GBP4: variants seen among roughly 807,000 people sequenced by gnomAD.
The protein encoded by GBP4 is guanylate-binding protein 4.
GBP4 carries 69 observed loss-of-function variants against 62.2 expected under a neutral mutation model. The ratio of observed to expected loss-of-function variants is 1.11; its 90% CI spans 0.91 to 1.36. The LOEUF (loss-of-function observed/expected upper bound fraction) is 1.36. GBP4 is among the 40% of genes most tolerant of loss of function. The probability of loss-of-function intolerance (pLI) is 0.00; values close to 1 mark genes in which losing one functional copy is unlikely to be tolerated. For missense variants in GBP4, 697 were observed against 759.3 expected (o/e 0.92, Z 0.96); for synonymous variants, 278 against 274.6 (o/e 1.01, Z -0.12).
chr1:89,191,721 A>G (rs1648194086), intron 5 of GBP4, among the ~76,000 whole-genome samples: 1 of 152,238 alleles, frequency 6.6e-6, no homozygotes. Context: ...CTTGGAGAGG[A>G]AGGGAAGACA....
chr1:89,187,931 T>A (rs1223568745), intron 8 of GBP4, among the ~76,000 whole-genome samples: 1 of 152,324 alleles, frequency 6.6e-6, no homozygotes, highest in Non-Finnish European at 1.5e-5. Flanking sequence ...GGACAAAAGT[T>A]TCCTCAAAAG....
chr1:89,186,828 T>G (rs1010903707), intron 9 of GBP4, among the ~76,000 whole-genome samples, 172 bp downstream of exon 9: 10 of 152,374 alleles, frequency 6.6e-5, no homozygotes, highest in Middle Eastern at 3.4e-3. Flanking sequence ...CAATATATTT[T>G]TTAACTATAG....
At position 89,192,911 on chromosome 1, in the gene GBP4, C is replaced by T. The variant is rs1316036373; in HGVS notation, c.663G>A (p.Leu221=). 26 of 1,613,502 alleles carry T rather than the reference C, an allele frequency of 1.6e-5. No individual in the cohort carries two copies. Among genetic ancestry groups the T allele is most frequent in the Non-Finnish European group, 2.0e-5 (24 of 1,179,518 alleles). Residue 221 remains leucine, a synonymous_variant, in exon 5 of 11, where the codon CTG becomes CTA. Coordinates refer to ENST00000355754, the MANE Select transcript of GBP4 (RefSeq NM_052941.5). The stretch of plus-strand genomic sequence containing the variant: ...CAGGCCATGCTCTGATACCTGGAAT[C>T]AGCTTCAAGGCATTCTCCAGGTACT... ...EDEYLENALK[L]IPGKNPKIQN... is the part of the protein sequence containing the mutation.
intron 7 of GBP4, 135 bp downstream of exon 7, chr1:89,189,903 C>T: frequency 1.3e-6 from 1 of 771,444 alleles, no homozygotes; most frequent in Non-Finnish European, 2.1e-6. Flanking sequence ...GACCTATAGC[C>T]CATAGAGCCC....
In GBP4 at chr1:89,190,192, T is replaced by C. The variant is rs1170417258; in HGVS notation, c.1043A>G (p.His348Arg). Residue 348 changes from histidine to arginine, a missense_variant, in exon 7 of 11, where the codon CAC becomes CGC. His to Arg is a conservative substitution (Grantham distance 29). Coordinates refer to ENST00000355754, the MANE Select transcript of GBP4 (RefSeq NM_052941.5). ...NPAAVQRAAD[H>R]YSQQMAQQLR... ...TTGCTGGGCCATCTGCTGGCTATAG[T>C]GGTCGGCTGCCCTCTGCACAGCCGC... 6.2e-7 allele frequency: 1 copy of C among 1,614,068 alleles called. No homozygotes were observed. The highest frequency in any genetic ancestry group is 2.2e-5 in the East Asian group (1 of 44,890).
At chr1:89,198,394 T>C (rs1388776184) in intron 1 of GBP4, among the ~76,000 whole-genome samples, 3 of 151,956 alleles carry the variant, frequency 2.0e-5, no homozygotes, top group Admixed American at 2.0e-4. Context: ...GAGAGTCAAC[T>C]CAGGTTAAAA....
In GBP4 at chr1:89,186,529, A is replaced by C; in HGVS notation, c.1514-3T>G. 1 of 1,613,428 alleles carries C rather than the reference A, an allele frequency of 6.2e-7. No homozygotes were observed. Among genetic ancestry groups the C allele is most frequent in the Non-Finnish European group, 8.5e-7 (1 of 1,179,782 alleles). On this transcript the variant is annotated splice_region_variant and splice_polypyrimidine_tract_variant and intron_variant, in intron 9 of 10. Coordinates refer to ENST00000355754, the MANE Select transcript of GBP4 (RefSeq NM_052941.5). ...TGCTTCCTTCATGGCCCGCTCCGCT[A>C]TTCCACAAAGGTTTTAGAGAGGGAA...
At position 89,188,694 on chromosome 1, in the gene GBP4, G is replaced by A. The variant is rs745623781; in HGVS notation, c.1298C>T (p.Thr433Ile). ...AELKRLSEHL[T>I]ESILRGIFSV... ...GAAAATTCCTCTCAAAATGCTTTCTGTCAGGTGCTCTGAAAGCCGCTTAAG... is the reference window on the plus strand; with the variant it reads ...GAAAATTCCTCTCAAAATGCTTTCTATCAGGTGCTCTGAAAGCCGCTTAAG... The change falls in exon 8 of 11, where the codon ACA (threonine) becomes ATA (isoleucine). Residue 433 changes from threonine to isoleucine, a missense_variant. Transcript: ENST00000355754. The A allele has an allele frequency of 1.6e-5, 26 of 1,614,092 alleles. No individual in the cohort carries two copies. Among genetic ancestry groups the A allele is most frequent in the Non-Finnish European group, 2.0e-5 (24 of 1,180,044 alleles).
chr1:89,187,200 T>C, intron 8 of GBP4, 98 bp from the exon 9 acceptor site: 1 of 935,176 alleles, frequency 1.1e-6, no homozygotes, highest in South Asian at 1.5e-5. Context: ...TCTAACCCTG[T>C]AAACTTTGCA....
intron 8 of GBP4, 86 bp downstream of exon 8, chr1:89,188,496 G>A: frequency 1.9e-6 from 2 of 1,056,040 alleles, no homozygotes; most frequent in East Asian, 4.7e-5. Context: ...TCCACAAATG[G>A]TGCTATATTC....
chr1:89,196,229 C>G (rs1648338612), intron 2 of GBP4, among the ~76,000 whole-genome samples: 1 of 152,150 alleles, frequency 6.6e-6, no homozygotes, highest in Admixed American at 6.5e-5. Flanking sequence ...GGCATACTGT[C>G]TGAGGGTATA....
At position 89,191,411 on chromosome 1, in the gene GBP4, T is replaced by C. The variant is rs1401357024; in HGVS notation, c.766A>G (p.Asn256Asp). The C allele has an allele frequency of 6.2e-7, 1 of 1,614,230 alleles. No homozygotes were observed. The highest frequency in any genetic ancestry group is 2.2e-5 in the East Asian group (1 of 44,890). Residue 256 changes from asparagine (N) to aspartate (D), a missense_variant, in exon 6 of 11, where the codon AAT becomes GAT. Coordinates refer to ENST00000355754, the MANE Select transcript of GBP4 (RefSeq NM_052941.5). ...ATATGATTTAAATATTGCTTGTCAT[T>C]TGTAGGCCGGTCAAAGACAAAGCAC... ...RKCFVFDRPT[N>D]DKQYLNHMDE... is the part of the protein sequence containing the mutation.
In GBP4 at chr1:89,197,271, G is replaced by C. The variant is rs761364461; in HGVS notation, c.74C>G (p.Pro25Arg). The C allele has an allele frequency of 7.4e-6, 12 of 1,613,978 alleles. No individual in the cohort carries two copies. The highest frequency in any genetic ancestry group is 1.7e-5 in the Admixed American group (1 of 60,010). The change falls in exon 2 of 11, where the codon CCC (proline) becomes CGC (arginine). Residue 25 changes from proline (P) to arginine (R), a missense_variant. Physicochemically the swap from Pro to Arg is moderately radical, Grantham distance 103. Coordinates refer to ENST00000355754, the MANE Select transcript of GBP4 (RefSeq NM_052941.5). ...YPESESIMMA[P>R]ICLVENQEEQ... ...TTCCTGGTTTTCCACTAGACAAATGGGGGCCATCATGATGGATTCAGATTC... is the reference window on the plus strand; with the variant it reads ...TTCCTGGTTTTCCACTAGACAAATGCGGGCCATCATGATGGATTCAGATTC...
intron 10 of GBP4, among the ~76,000 whole-genome samples, chr1:89,186,006 A>G (rs1404304404): frequency 6.6e-6 from 1 of 152,160 alleles, no homozygotes; most frequent in African/African-American, 2.4e-5. Context: ...GGTACTTTAG[A>G]TGGTTGTGCC....
At chr1:89,191,027 A>G (rs1267602597) in intron 6 of GBP4, among the ~76,000 whole-genome samples, 1 of 152,100 alleles carries the variant, frequency 6.6e-6, no homozygotes, top group Non-Finnish European at 1.5e-5. Context: ...TCTCCTTAGG[A>G]GTTTGTGTTT....
chr1:89,193,079 C>A lies in GBP4; in HGVS notation c.495G>T (p.Glu165Asp), dbSNP rs368080989. The A allele has an allele frequency of 1.6e-5, 26 of 1,614,160 alleles. No individual in the cohort carries two copies. Among genetic ancestry groups the A allele is most frequent in the African/African-American group, 1.1e-4 (8 of 75,056 alleles). Reference sequence around the variant, plus strand: ...TGGGGCAGGATTTTGCCCTGATTAGCTCTGCTAGCTCAGTCACATAGCTGG... The same window carrying A: ...TGGGGCAGGATTTTGCCCTGATTAGATCTGCTAGCTCAGTCACATAGCTGG... Reference protein sequence around the residue: ...EQLHYVTELAELIRAKSCPRP... With the variant: ...EQLHYVTELADLIRAKSCPRP... Residue 165 changes from glutamate to aspartate, a missense_variant, in exon 5 of 11, where the codon GAG (glutamate) becomes GAT (aspartate). Transcript: ENST00000355754.
At chr1:89,190,996 T>A (rs1040320701) in intron 6 of GBP4, among the ~76,000 whole-genome samples, 6 of 152,172 alleles carry the variant, frequency 3.9e-5, no homozygotes, top group Admixed American at 1.3e-4. Flanking sequence ...CTATAGGACT[T>A]TTCCTCATCA....
chr1:89,185,427 C>A lies in GBP4; in HGVS notation c.1750G>T (p.Glu584Ter), dbSNP rs1553128029. Reference protein sequence around the residue: ...MLKEEFQKKSEQLNKEINQLK... With the variant: ...MLKEEFQKKS The stretch of plus-strand genomic sequence containing the variant: ...TGATTAATCTCTTTATTTAACTGCT[C>A]AGATTTCTTTTGAAATTCTTCCTTA... Residue 584 changes from glutamate (E) to a stop codon, truncating the protein, a stop_gained, in exon 11 of 11, where the codon GAG (glutamate) becomes TAG (stop). Transcript: ENST00000355754. LOFTEE classifies it low-confidence loss of function (END_TRUNC). 1.3e-6 allele frequency: 2 copies of A among 1,574,040 alleles called. No individual in the cohort carries two copies. The highest frequency in any genetic ancestry group is 1.3e-5 in the African/African-American group (1 of 74,174).
rs1181376774 is a variant in GBP4 at position 89,198,893 on chromosome 1, T to G, written c.-59A>C. 5 of 1,522,640 alleles carry G rather than the reference T, an allele frequency of 3.3e-6. No homozygotes were observed. The highest frequency in any genetic ancestry group is 4.6e-6 in the Non-Finnish European group (5 of 1,096,624). The allele number at this position is 1,522,640 out of a possible 1,614,324, so 94.3% of individuals were successfully genotyped here. A position where few individuals can be genotyped will look rare whatever the true frequency, so the allele number is the denominator to read the frequency against. On this transcript the variant is annotated 5_prime_UTR_variant, in exon 1 of 11. Transcript: ENST00000355754. ...ACGGACTGTTCTTAGAAGCTGAAAG[T>G]CCAGCCGGATTTACAGACATCCAAG...
Sources: gnomAD v4.1 joint callset for allele counts (sites outside exome capture counted in the v4.1 genomes callset) on GRCh38, gnomAD v4.1.1 for gene constraint, MANE v1.5 for transcripts, NCBI Gene and HGNC (gene_info 2026-07-23, HGNC 2026-07-21) for gene names.